FSTL5: variants seen among roughly 807,000 people sequenced by gnomAD.
The protein encoded by FSTL5 is follistatin like 5, also known as follistatin-related protein 5.
Under a neutral mutation model 89.1 loss-of-function variants are expected in FSTL5, and 62 were observed. The ratio of observed to expected loss-of-function variants is 0.70; its 90% CI spans 0.57 to 0.86. The LOEUF (loss-of-function observed/expected upper bound fraction) is 0.86, where lower values mean the gene tolerates loss of function less well. Ranked by LOEUF, FSTL5 falls within the 40% of genes least tolerant of loss-of-function variation. The pLI is 0.00. For missense variants in FSTL5, 1,057 were observed against 1,001.6 expected, an observed-to-expected ratio of 1.06 and a Z score of -0.75; for synonymous variants, 383 against 346.2, an observed-to-expected ratio of 1.11 and a Z score of -1.18.
At chr4:161,698,911 C>T (rs1274916268) in intron 6 of FSTL5, among the ~76,000 whole-genome samples, 1 of 152,088 alleles carries the variant, frequency 6.6e-6, no homozygotes, top group African/African-American at 2.4e-5. Flanking sequence ...GATCATGCCA[C>T]TGCACTCCAG....
In FSTL5 at chr4:161,587,661, A is replaced by C. The variant is rs1733664281; in HGVS notation, c.895-86T>G. ...TTTTAAAAGGTGTATTCAGGTACAA[A>C]ACAAATAGACTCAAATATTGTTTTA... On this transcript the variant is annotated intron_variant, in intron 7 of 15. Coordinates refer to ENST00000306100, the MANE Select transcript of FSTL5 (RefSeq NM_020116.5). 1.2e-5 allele frequency: 11 copies of C among 951,980 alleles called. No homozygotes were observed. In the Admixed American group the frequency reaches 2.7e-4, roughly 23 times the overall value. The allele number at this position is 951,980 out of a possible 1,614,324, so 59.0% of individuals were successfully genotyped here.
At chr4:161,761,491 T>A (rs1338096412) in intron 5 of FSTL5, among the ~76,000 whole-genome samples, 1 of 152,252 alleles carries the variant, frequency 6.6e-6, no homozygotes, top group East Asian at 1.9e-4. Context: ...TAATGACTTT[T>A]AGTCTCTCAT....
At chr4:162,041,031 G>A (rs574802938) in intron 2 of FSTL5, among the ~76,000 whole-genome samples, 129 of 151,972 alleles carry the variant, frequency 8.5e-4, no homozygotes, top group Middle Eastern at 3.4e-3. Flanking sequence ...GGAGGGATAG[G>A]CAGAGACACA....
chr4:161,941,391 T>C (rs1022407183), intron 3 of FSTL5, among the ~76,000 whole-genome samples: 12 of 151,894 alleles, frequency 7.9e-5, no homozygotes, highest in Non-Finnish European at 4.4e-5. Flanking sequence ...TTATATGCTA[T>C]CTACAAGTAG....
intron 4 of FSTL5, among the ~76,000 whole-genome samples, chr4:161,902,065 C>T (rs1236707953): frequency 2.0e-5 from 3 of 152,106 alleles, no homozygotes; most frequent in Admixed American, 6.5e-5. Flanking sequence ...TTATTTGTTA[C>T]ATGTATTCTG....
chr4:161,560,237 T>C (rs754063727), intron 8 of FSTL5, among the ~76,000 whole-genome samples: 26 of 151,834 alleles, frequency 1.7e-4, no homozygotes, highest in Non-Finnish European at 3.5e-4. Context: ...TAAGATATAA[T>C]ATAAAAGATG....
intron 14 of FSTL5, 40 bp from the exon 15 acceptor site, chr4:161,455,168 T>G (rs771188104): frequency 3.8e-5 from 58 of 1,520,664 alleles, no homozygotes; most frequent in Non-Finnish European, 4.9e-5. Flanking sequence ...AACAATGCAG[T>G]CACTTCATAG....
At chr4:161,733,983 T>C (rs564363992) in intron 6 of FSTL5, among the ~76,000 whole-genome samples, 3 of 152,140 alleles carry the variant, frequency 2.0e-5, no homozygotes, top group South Asian at 2.1e-4. Flanking sequence ...AGAATTTTTT[T>C]CTTTCTTCAT....
At chr4:161,694,450 G>T (rs1380693939) in intron 6 of FSTL5, among the ~76,000 whole-genome samples, 1 of 151,192 alleles carries the variant, frequency 6.6e-6, no homozygotes, top group East Asian at 1.9e-4. Flanking sequence ...CAGAATTTCT[G>T]TTTTTTTTAT....
At chr4:162,000,625 A>G (rs71610989) in intron 3 of FSTL5, among the ~76,000 whole-genome samples, 2 of 151,742 alleles carry the variant, frequency 1.3e-5, no homozygotes, top group Non-Finnish European at 2.9e-5. Context: ...AACAACAACA[A>G]CAACAAAATA....
At chr4:161,585,004 T>C (rs539514217) in intron 8 of FSTL5, among the ~76,000 whole-genome samples, 2 of 152,308 alleles carry the variant, frequency 1.3e-5, no homozygotes, top group South Asian at 4.1e-4. Context: ...TAATTCATAA[T>C]GCTAAGGCTG....
rs568828514 is a variant in FSTL5 at position 161,539,943 on chromosome 4, T to C, written c.1178-1643A>G. 5.7e-4 allele frequency among the ~76,000 whole-genome samples: 85 copies of C among 149,996 alleles called. 1 individual carries two copies. The South Asian group carries it at 0.017, about 29-fold the overall frequency. ...TTCAGGATCCACACACTTAACAGCT[T>C]AAATTCTCTGGGTTTTGTTTTGAAA... On this transcript the variant is annotated intron_variant, in intron 9 of 15. Transcript: ENST00000306100.
At chr4:161,486,847 AC>A (rs1729700037) in intron 12 of FSTL5, among the ~76,000 whole-genome samples, 1 of 152,226 alleles carries the variant, frequency 6.6e-6, no homozygotes, top group South Asian at 2.1e-4. Flanking sequence ...TTAATTAATT[AC>A]AAATGTATAA....
intron 8 of FSTL5, among the ~76,000 whole-genome samples, chr4:161,566,135 T>TATATATATACATAC (rs1267325201): frequency 1.8e-5 from 1 of 55,148 alleles, no homozygotes; most frequent in Non-Finnish European, 3.3e-5. Flanking sequence ...TATATATATA[T>TATATATATACATAC]ACACACACAC....
chr4:161,662,223 A>G (rs1175897227), intron 6 of FSTL5, among the ~76,000 whole-genome samples: 1 of 152,188 alleles, frequency 6.6e-6, no homozygotes, highest in Non-Finnish European at 1.5e-5. Context: ...AGTTAATATC[A>G]TTATATTCAT....
At chr4:161,986,485 G>A (rs985300446) in intron 3 of FSTL5, among the ~76,000 whole-genome samples, 1 of 152,192 alleles carries the variant, frequency 6.6e-6, no homozygotes, top group Non-Finnish European at 1.5e-5. Flanking sequence ...CCTGGGGCCA[G>A]AGGTTGCAGT....
intron 8 of FSTL5, among the ~76,000 whole-genome samples, chr4:161,580,033 A>C (rs1733380115): frequency 6.6e-6 from 1 of 152,112 alleles, no homozygotes; most frequent in Non-Finnish European, 1.5e-5. Flanking sequence ...TTGGAACTTT[A>C]ATCTCTTCAG....
chr4:161,974,283 A>C (rs556019500), intron 3 of FSTL5, among the ~76,000 whole-genome samples: 5 of 152,310 alleles, frequency 3.3e-5, no homozygotes. Context: ...GGAACCAAAA[A>C]AGAGCCCGCA....
At chr4:162,128,946 A>C (rs1444864846) in intron 1 of FSTL5, among the ~76,000 whole-genome samples, 2 of 145,928 alleles carry the variant, frequency 1.4e-5, no homozygotes, top group Admixed American at 6.9e-5. Flanking sequence ...TTTGAGACAA[A>C]GTTTCACTGT....
Sources: allele counts gnomAD v4.1 joint callset (sites outside exome capture counted in the v4.1 genomes callset), GRCh38; gene constraint gnomAD v4.1.1; transcripts MANE v1.5; gene names NCBI Gene and HGNC (gene_info 2026-07-23, HGNC 2026-07-21).